AZGP1: variants seen among roughly 807,000 people sequenced by gnomAD.
The protein encoded by AZGP1 is zinc-alpha-2-glycoprotein.
Under a neutral mutation model 31.5 loss-of-function variants are expected in AZGP1, and 28 were observed. The ratio of observed to expected loss-of-function variants is 0.89; its 90% CI spans 0.66 to 1.22. The LOEUF (loss-of-function observed/expected upper bound fraction) is 1.22. Ranked by LOEUF, AZGP1 falls within the 50% of genes most tolerant of loss-of-function variation. The pLI is 0.00. For synonymous variants in AZGP1, 135 were observed against 145.4 expected, an observed-to-expected ratio of 0.93 and a Z score of 0.51; for missense variants, 361 against 371.8, an observed-to-expected ratio of 0.97 and a Z score of 0.24.
At chr7:99,974,614 A>G (rs569140720) in intron 1 of AZGP1, among the ~76,000 whole-genome samples, 21 of 152,052 alleles carry the variant, frequency 1.4e-4, no homozygotes, top group Non-Finnish European at 2.8e-4. Flanking sequence ...TAAATAATCA[A>G]ATACTTTTAA....
chr7:99,967,097 A>G lies in AZGP1; in HGVS notation c.803T>C (p.Val268Ala). The G allele has an allele frequency of 6.2e-7, 1 of 1,614,146 alleles. No individual in the cohort carries two copies. Among genetic ancestry groups the G allele is most frequent in the Admixed American group, 1.7e-5 (1 of 60,014 alleles). The change falls in exon 4 of 4, where the codon GTG becomes GCG. Residue 268 changes from valine (V) to alanine (A), a missense_variant. By Grantham distance (64) the Val-to-Ala change is moderately conservative. Coordinates refer to ENST00000292401, the MANE Select transcript of AZGP1 (RefSeq NM_001185.4). Reference sequence around the variant, plus strand: ...GGCTGTGTCCTGCGGGGGCACTGCCACCACCACCCAGGACTGGTAAGTGCC... The same window carrying G: ...GGCTGTGTCCTGCGGGGGCACTGCCGCCACCACCCAGGACTGGTAAGTGCC... The part of the protein sequence containing the change: ...GNGTYQSWVV[V>A]AVPPQDTAPY...
intron 1 of AZGP1, 63 bp from the exon 2 acceptor site, chr7:99,972,069 G>C: frequency 1.3e-6 from 2 of 1,507,324 alleles, no homozygotes; most frequent in Non-Finnish European, 1.8e-6. Flanking sequence ...GGGCTGCATA[G>C]GGCTAGGAGG....
intron 2 of AZGP1, chr7:99,971,532 A>C (rs1277608455): frequency 1.4e-5 from 8 of 579,870 alleles, no homozygotes; most frequent in Non-Finnish European, 2.4e-5. Context: ...GTGTGACCTG[A>C]GGCCTGGGAT....
At position 99,968,243 on chromosome 7, in the gene AZGP1, C is replaced by T. The variant is rs1487003780; in HGVS notation, c.525G>A (p.Val175=). Reference sequence around the variant, plus strand: ...CCTCCAGGTAAGCCTTGGCCCGCTGCACGTAGACTGGTTCTGCCTCCCACT... The same window carrying T: ...CCTCCAGGTAAGCCTTGGCCCGCTGTACGTAGACTGGTTCTGCCTCCCACT... ...KQKWEAEPVY[V]QRAKAYLEEE... is the part of the protein sequence containing the mutation. Residue 175 remains valine (V), a synonymous_variant, in exon 3 of 4, where the codon GTG becomes GTA. Coordinates refer to ENST00000292401, the MANE Select transcript of AZGP1 (RefSeq NM_001185.4). The T allele has an allele frequency of 1.2e-6, 2 of 1,613,780 alleles. No individual in the cohort carries two copies. The highest frequency in any genetic ancestry group is 1.7e-6 in the Non-Finnish European group (2 of 1,180,010).
intron 3 of AZGP1, 74 bp downstream of exon 3, chr7:99,968,081 T>A (rs771994580): frequency 6.4e-7 from 1 of 1,566,718 alleles, no homozygotes; most frequent in South Asian, 1.1e-5. Flanking sequence ...CGGACTAAGA[T>A]GTTGCCTGAG....
intron 1 of AZGP1, among the ~76,000 whole-genome samples, chr7:99,975,273 A>G (rs1377459500): frequency 1.3e-5 from 2 of 152,150 alleles, no homozygotes; most frequent in Non-Finnish European, 2.9e-5. Flanking sequence ...TAACAAACAT[A>G]TAACACCTTT....
At chr7:99,969,036 G>A (rs1433925805) in intron 2 of AZGP1, among the ~76,000 whole-genome samples, 1 of 143,686 alleles carries the variant, frequency 7.0e-6, no homozygotes, top group Non-Finnish European at 1.5e-5. Flanking sequence ...CACTTTGAGA[G>A]GCTGAGGAGG....
chr7:99,967,431 A>C, intron 3 of AZGP1, 145 bp from the exon 4 acceptor site: 1 of 916,018 alleles, frequency 1.1e-6, no homozygotes, highest in Non-Finnish European at 1.6e-6. Flanking sequence ...GAGACTTTCC[A>C]GAATATCAGG....
intron 1 of AZGP1, among the ~76,000 whole-genome samples, chr7:99,972,677 G>A (rs1207829798): frequency 6.6e-6 from 1 of 152,180 alleles, no homozygotes; most frequent in Non-Finnish European, 1.5e-5. Context: ...AGCTGGGCAT[G>A]GTGGTGCGGG....
intron 1 of AZGP1, among the ~76,000 whole-genome samples, chr7:99,972,830 C>T (rs183272877): frequency 1.1e-4 from 17 of 151,282 alleles, no homozygotes; most frequent in Admixed American, 1.1e-3. Flanking sequence ...AACAAATTAA[C>T]ATTTCGTCCG....
At chr7:99,971,283 T>C (rs925218977) in intron 2 of AZGP1, among the ~76,000 whole-genome samples, 4 of 152,230 alleles carry the variant, frequency 2.6e-5, no homozygotes, top group African/African-American at 9.6e-5. Flanking sequence ...AGTGCTCCAA[T>C]GTTTGCAGAT....
intron 3 of AZGP1, chr7:99,967,803 G>A (rs1584298700): frequency 1.9e-6 from 1 of 534,844 alleles, no homozygotes; most frequent in Non-Finnish European, 3.3e-6. Flanking sequence ...AAAAAACGAT[G>A]GGATTTGGAA....
In AZGP1 at chr7:99,968,403, C is replaced by T. The variant is rs1789527046; in HGVS notation, c.365G>A (p.Gly122Asp). Residue 122 changes from glycine to aspartate, a missense_variant, in exon 3 of 4, where the codon GGT becomes GAT. Transcript: ENST00000292401. ...GCTTCTGTTATTCTCGATCTCACAA[C>T]CAAACCTTCCCTGCAATACGTGAGA... ...NGSHVLQGRF[G>D]CEIENNRSSG... 6.2e-7 allele frequency: 1 copy of T among 1,613,974 alleles called. No individual in the cohort carries two copies. The highest frequency in any genetic ancestry group is 8.5e-7 in the Non-Finnish European group (1 of 1,180,008).
intron 2 of AZGP1, among the ~76,000 whole-genome samples, chr7:99,971,072 C>G (rs924746741): frequency 2.0e-5 from 3 of 152,150 alleles, no homozygotes; most frequent in Non-Finnish European, 4.4e-5. Context: ...AGTTTTGAAT[C>G]CAGCACTTCC....
In AZGP1 at chr7:99,975,992, G is replaced by A; in HGVS notation, c.29C>T (p.Ser10Phe). Residue 10 changes from serine (S) to phenylalanine (F), a missense_variant, in exon 1 of 4, where the codon TCT becomes TTT. Ser to Phe is a radical substitution (Grantham distance 155). Transcript: ENST00000292401. ...AGCAGGACCCAGAAGCAGCAGCAGAGACAGCAGGACAGGCACCATTCTTAC... is the reference window on the plus strand; with the variant it reads ...AGCAGGACCCAGAAGCAGCAGCAGAAACAGCAGGACAGGCACCATTCTTAC... MVRMVPVLL[S>F]LLLLLGPAVP... The A allele has an allele frequency of 6.2e-7, 1 of 1,614,092 alleles. No homozygotes were observed. Among genetic ancestry groups the A allele is most frequent in the Admixed American group, 1.7e-5 (1 of 60,002 alleles).
chr7:99,970,666 C>A (rs1447145894), intron 2 of AZGP1, among the ~76,000 whole-genome samples: 2 of 151,882 alleles, frequency 1.3e-5, no homozygotes, highest in Non-Finnish European at 2.9e-5. Flanking sequence ...CACCTGTGCC[C>A]CCTCCTCTCC....
intron 1 of AZGP1, among the ~76,000 whole-genome samples, chr7:99,974,367 C>A (rs1035904583): frequency 6.6e-6 from 1 of 151,972 alleles, no homozygotes; most frequent in Non-Finnish European, 1.5e-5. Flanking sequence ...GCGGGCAGAT[C>A]ACGAGGTCAG....
rs869115613 is a variant in AZGP1, at chr7:99,968,962, C to CAAAAAAAAAAAAAA, written c.338-546_338-533dup. On this transcript the variant is annotated intron_variant, in intron 2 of 3. Coordinates refer to ENST00000292401, the MANE Select transcript of AZGP1 (RefSeq NM_001185.4). ...TGGGTGACAGAGTGAGACCCTATCT[C>CAAAAAAAAAAAAAA]AAAAAAAAAAAAAAAAAAAAAAAAA... 1.2e-3 allele frequency among the ~76,000 whole-genome samples: 33 copies of CAAAAAAAAAAAAAA among 26,698 alleles called. 12 individuals are homozygous for CAAAAAAAAAAAAAA. Among genetic ancestry groups the CAAAAAAAAAAAAAA allele is most frequent in the Non-Finnish European group, 1.5e-3 (25 of 16,386 alleles). The allele number at this position is 26,698 out of a possible 152,430, so 17.5% of individuals were successfully genotyped here. A position where few individuals can be genotyped will look rare whatever the true frequency, so the allele number is the denominator to read the frequency against.
intron 2 of AZGP1, chr7:99,968,685 G>A (rs1238095220): frequency 2.0e-6 from 1 of 503,650 alleles, no homozygotes; most frequent in Non-Finnish European, 3.5e-6. Context: ...GCTACAGCCT[G>A]GGCGCTGTGG....
Sources: gnomAD v4.1 joint callset for allele counts (sites outside exome capture counted in the v4.1 genomes callset) on GRCh38, gnomAD v4.1.1 for gene constraint, MANE v1.5 for transcripts, NCBI Gene and HGNC (gene_info 2026-07-23, HGNC 2026-07-21) for gene names.